ADGRD1: variants seen among roughly 807,000 people sequenced by gnomAD.
The protein encoded by ADGRD1 is adhesion G protein-coupled receptor D1.
ADGRD1 carries 77 observed loss-of-function variants against 113.4 expected under a neutral mutation model. The ratio of observed to expected loss-of-function variants is 0.68; its 90% confidence interval spans 0.57 to 0.82. ADGRD1 has a LOEUF of 0.82. ADGRD1 is among the 40% of genes least tolerant of loss of function. The probability of loss-of-function intolerance (pLI) is 0.00; values close to 1 mark genes in which losing one functional copy is unlikely to be tolerated. For synonymous variants in ADGRD1, 474 were observed against 475.0 expected (o/e 1.00, Z 0.03); for missense variants, 1,036 against 1,139.1 (o/e 0.91, Z 1.30).
At chr12:131,029,208 C>T (rs1880327058) in intron 13 of ADGRD1, among the ~76,000 whole-genome samples, 1 of 152,210 alleles carries the variant, frequency 6.6e-6, no homozygotes, top group African/African-American at 2.4e-5. Context: ...TAACTCATTG[C>T]CTGCTGCTGT....
intron 13 of ADGRD1, among the ~76,000 whole-genome samples, chr12:131,035,938 T>C (rs936524475): frequency 1.3e-5 from 2 of 152,206 alleles, no homozygotes; most frequent in Non-Finnish European, 2.9e-5. Context: ...TGGAGATTGA[T>C]TCACACCCAA....
At chr12:130,960,212 T>C (rs1870174110) in intron 2 of ADGRD1, among the ~76,000 whole-genome samples, 1 of 152,220 alleles carries the variant, frequency 6.6e-6, no homozygotes, top group African/African-American at 2.4e-5. Context: ...AAGCATGTCA[T>C]TACCCAGCAG....
chr12:131,052,589 G>A (rs1180672223), intron 13 of ADGRD1, among the ~76,000 whole-genome samples: 1 of 152,144 alleles, frequency 6.6e-6, no homozygotes, highest in Non-Finnish European at 1.5e-5. Context: ...AGCAGTCGGG[G>A]GGGCATAAAA....
intron 12 of ADGRD1, among the ~76,000 whole-genome samples, chr12:131,007,489 A>G (rs1877282449): frequency 6.6e-6 from 1 of 152,244 alleles, no homozygotes; most frequent in Non-Finnish European, 1.5e-5. Context: ...GGGAGCCCAC[A>G]GCCTTGCAGA....
intron 14 of ADGRD1, among the ~76,000 whole-genome samples, chr12:131,080,436 A>G (rs1350520299): frequency 2.6e-5 from 4 of 152,288 alleles, no homozygotes; most frequent in Middle Eastern, 3.4e-3. Context: ...CACTTGAAAA[A>G]AAGTATATTC....
chr12:131,136,600 C>A (rs1002897703), intron 22 of ADGRD1, among the ~76,000 whole-genome samples: 2 of 152,358 alleles, frequency 1.3e-5, no homozygotes, highest in Non-Finnish European at 1.5e-5. Context: ...AGGCATGGGT[C>A]CCCATCGCCA....
chr12:130,984,119 C>T lies in ADGRD1; in HGVS notation c.490+2056C>T, dbSNP rs1873347272. 6.6e-6 allele frequency among the ~76,000 whole-genome samples: 1 copy of T among 152,158 alleles called. No individual in the cohort carries two copies. Among genetic ancestry groups the T allele is most frequent in the Admixed American group, 6.5e-5 (1 of 15,280 alleles). ...AATGGCCTGTGGGCTGAGTTGGGTC[C>T]TCAGATGGGTTTTATGGTCCTATAT... On this transcript the variant is annotated intron_variant, in intron 5 of 24. Transcript: ENST00000261654. This position sits in a 1 kb window ranked among gnomAD's most constrained non-coding sequence, Gnocchi z 4.1.
At chr12:131,116,295 C>T (rs1378130812) in intron 18 of ADGRD1, among the ~76,000 whole-genome samples, 1 of 152,228 alleles carries the variant, frequency 6.6e-6, no homozygotes, top group African/African-American at 2.4e-5. Context: ...ACAGTCACTG[C>T]TGGGCCCCAA....
intron 13 of ADGRD1, among the ~76,000 whole-genome samples, chr12:131,042,301 C>T (rs941816572): frequency 6.6e-6 from 1 of 152,196 alleles, no homozygotes; most frequent in East Asian, 1.9e-4. Context: ...ATCATCCCGA[C>T]AAGCCTCCCA....
At chr12:130,999,811 A>G (rs1352647987) in intron 8 of ADGRD1, among the ~76,000 whole-genome samples, 3 of 152,210 alleles carry the variant, frequency 2.0e-5, no homozygotes, top group Non-Finnish European at 4.4e-5. Flanking sequence ...TTTAAAACGA[A>G]GTAGAAAATT....
At chr12:130,991,115 T>C (rs771843328) in intron 7 of ADGRD1, 37 bp downstream of exon 7, 4 of 1,562,226 alleles carry the variant, frequency 2.6e-6, no homozygotes, top group Non-Finnish European at 3.5e-6. Flanking sequence ...CCCTTGCTGA[T>C]GTTCTTCTGC....
intron 20 of ADGRD1, among the ~76,000 whole-genome samples, chr12:131,129,271 C>A (rs192259459): frequency 1.8e-5 from 2 of 112,888 alleles, no homozygotes; most frequent in African/African-American, 8.6e-5. Flanking sequence ...AGTGACAGGC[C>A]GGCCCTCCTG....
intron 20 of ADGRD1, among the ~76,000 whole-genome samples, chr12:131,121,408 C>T (rs1483936890): frequency 1.3e-5 from 2 of 152,138 alleles, no homozygotes; most frequent in South Asian, 2.1e-4. Context: ...TTTTTTGAGA[C>T]GGAGTCTCAC....
chr12:131,056,298 A>T (rs1555255191), intron 13 of ADGRD1, among the ~76,000 whole-genome samples: 1 of 152,240 alleles, frequency 6.6e-6, no homozygotes, highest in Non-Finnish European at 1.5e-5. Context: ...TATAGGGGAA[A>T]ATCCCAAGTT....
chr12:131,040,986 CA>C (rs1882077705), intron 13 of ADGRD1, among the ~76,000 whole-genome samples: 1 of 152,198 alleles, frequency 6.6e-6, no homozygotes, highest in Admixed American at 6.5e-5. Context: ...TGTGGCAGGA[CA>C]GTGGGGCTGA....
intron 15 of ADGRD1, among the ~76,000 whole-genome samples, chr12:131,093,066 C>T (rs67818722): frequency 0.084 from 12,691 of 151,728 alleles, 694 homozygotes; most frequent in Non-Finnish European, 0.12. Context: ...TCATCACGTT[C>T]GCATCGCTCT....
chr12:131,019,873 C>T (rs538484740), intron 13 of ADGRD1, among the ~76,000 whole-genome samples: 4 of 61,644 alleles, frequency 6.5e-5, no homozygotes, highest in South Asian at 5.8e-4. Context: ...AGGGGGTGCT[C>T]GAGAGAGATA....
chr12:131,051,238 T>C (rs1883355982), intron 13 of ADGRD1, among the ~76,000 whole-genome samples: 1 of 152,226 alleles, frequency 6.6e-6, no homozygotes, highest in Non-Finnish European at 1.5e-5. Flanking sequence ...AGTTCAGGAT[T>C]ATGCTGCCCC....
intron 13 of ADGRD1, among the ~76,000 whole-genome samples, chr12:131,040,762 C>T (rs568992579): frequency 3.3e-5 from 5 of 152,362 alleles, no homozygotes; most frequent in Admixed American, 6.5e-5. Flanking sequence ...AGATCGCATG[C>T]GACAGTCATT....
Sources: allele counts gnomAD v4.1 joint callset (sites outside exome capture counted in the v4.1 genomes callset), GRCh38; gene constraint gnomAD v4.1.1; non-coding constraint Gnocchi (gnomAD v3.1); transcripts MANE v1.5; gene names NCBI Gene and HGNC (gene_info 2026-07-23, HGNC 2026-07-21).